IRF1: variants seen among roughly 807,000 people sequenced by gnomAD.
IRF1 encodes the protein interferon regulatory factor 1, also known as interferon regulatory factor-1.
IRF1 carries 13 observed loss-of-function variants against 43.7 expected under a neutral mutation model. The observed-to-expected ratio is 0.30, with a 90% CI of 0.19 to 0.47. The LOEUF is 0.47. IRF1 is among the 20% of genes least tolerant of loss of function. IRF1 has a pLI of 0.99. For synonymous variants in IRF1, 138 were observed against 146.8 expected (o/e 0.94, Z 0.43); for missense variants, 236 against 408.9 (o/e 0.58, Z 3.65).
Position 132,486,976 on chromosome 5 carries a change from A to T in IRF1, c.342T>A (p.Pro114=). Residue 114 remains proline, a synonymous_variant, in exon 4 of 10, where the codon CCT becomes CCA. Coordinates refer to ENST00000245414, the MANE Select transcript of IRF1 (RefSeq NM_002198.3). The part of the protein sequence containing the change: ...SAVRVYRMLP[P]LTKNQRKERK... Reference sequence around the variant, plus strand: ...TACCTTTTCTCTGGTTCTTGGTGAGAGGTGGAAGCATCCGGTACACTCGCA... The same window carrying T: ...TACCTTTTCTCTGGTTCTTGGTGAGTGGTGGAAGCATCCGGTACACTCGCA... 6.2e-7 allele frequency: 1 copy of T among 1,613,964 alleles called. No individual in the cohort carries two copies. The highest frequency in any genetic ancestry group is 8.5e-7 in the Non-Finnish European group (1 of 1,179,978).
In IRF1 at chr5:132,484,375, A is replaced by T; in HGVS notation, c.840T>A (p.Ile280=). Residue 280 remains isoleucine (I), a synonymous_variant, in exon 9 of 10, where the codon ATT becomes ATA. Coordinates refer to ENST00000245414, the MANE Select transcript of IRF1 (RefSeq NM_002198.3). ...GGGCCTTCTTACCCCCTGGGCTGTCAATTTCTGGCTCCTCCTTACAGCTAA... is the reference window on the plus strand; with the variant it reads ...GGGCCTTCTTACCCCCTGGGCTGTCTATTTCTGGCTCCTCCTTACAGCTAA... ...GDFSCKEEPE[I]DSPGGDIGLS... 1 of 1,614,060 alleles carries T rather than the reference A, an allele frequency of 6.2e-7. No individual in the cohort carries two copies. Among genetic ancestry groups the T allele is most frequent in the Non-Finnish European group, 8.5e-7 (1 of 1,179,982 alleles).
At chr5:132,489,199 A>C in intron 2 of IRF1, 193 bp downstream of exon 2, 1 of 544,742 alleles carries the variant, frequency 1.8e-6, no homozygotes, top group East Asian at 3.0e-5. Context: ...TACCTCAAGA[A>C]GGGAAGAAGG....
Position 132,485,521 on chromosome 5 carries a change from C to A in IRF1, c.717+146G>T, listed in dbSNP as rs573942151. The A allele has an allele frequency of 2.2e-5, 17 of 760,840 alleles. No individual in the cohort carries two copies. The African/African-American group carries it at 2.5e-4, about 11-fold the overall frequency. 47.1% of individuals were successfully genotyped at this position (760,840 alleles called of 1,614,324 possible). On this transcript the variant is annotated intron_variant, in intron 8 of 9. Coordinates refer to ENST00000245414, the MANE Select transcript of IRF1 (RefSeq NM_002198.3). ...CATGGTGGCTTTCCCACCAGTCAAG[C>A]CACGTGAATGTGGCACTTGTGGGAC... is the stretch of plus-strand genomic sequence containing the variant.
intron 3 of IRF1, 182 bp downstream of exon 3, chr5:132,487,744 A>G (rs1216295002): frequency 5.1e-6 from 3 of 586,112 alleles, no homozygotes; most frequent in Non-Finnish European, 9.2e-6. Flanking sequence ...CCCTTTGAGA[A>G]TTTGCTGAGA....
At position 132,487,138 on chromosome 5, in the gene IRF1, G is replaced by A. The variant is rs1189557309; in HGVS notation, c.188-8C>T. On this transcript the variant is annotated splice_region_variant and splice_polypyrimidine_tract_variant and intron_variant, in intron 3 of 9. Transcript: ENST00000245414. ...CCCCTGCTTTGTATCGGCCTAGAGG[G>A]CAGGAGAAAAAAGAGGATCGTCAGG... 6.2e-7 allele frequency: 1 copy of A among 1,611,834 alleles called. No individual in the cohort carries two copies. Among genetic ancestry groups the A allele is most frequent in the East Asian group, 2.2e-5 (1 of 44,836 alleles).
chr5:132,486,908 C>A, intron 4 of IRF1, 46 bp downstream of exon 4: 1 of 1,613,972 alleles, frequency 6.2e-7, no homozygotes, highest in Non-Finnish European at 8.5e-7. Context: ...CCTCCTTCTA[C>A]CCTCCCTCCC....
intron 7 of IRF1, 199 bp downstream of exon 7, chr5:132,486,052 C>T: frequency 4.3e-6 from 3 of 697,646 alleles, no homozygotes; most frequent in Non-Finnish European, 7.3e-6. Context: ...CTCACCAGCC[C>T]CCACTGTACT....
rs767988959 is a variant in IRF1, at chr5:132,481,774, T to C, written c.*2177A>G. The C allele has an allele frequency of 1.3e-5, 2 of 152,334 alleles. No homozygotes were observed. Among genetic ancestry groups the C allele is most frequent in the Non-Finnish European group, 2.9e-5 (2 of 68,050 alleles). 9.4% of individuals were successfully genotyped at this position (152,334 alleles called of 1,614,324 possible). ...ACTCTAGAAACTGGATGGCAAGTGCTACCCAGCACAGCAGCCGTGAGGACC... is the reference window on the plus strand; with the variant it reads ...ACTCTAGAAACTGGATGGCAAGTGCCACCCAGCACAGCAGCCGTGAGGACC... On this transcript the variant is annotated 3_prime_UTR_variant, in exon 10 of 10. Transcript: ENST00000245414.
At chr5:132,486,091 G>T (rs1754518140) in intron 7 of IRF1, 160 bp downstream of exon 7, 3 of 946,012 alleles carry the variant, frequency 3.2e-6, no homozygotes, top group African/African-American at 1.6e-5. Context: ...CCTTCCTAGT[G>T]TCCCCGTCGC....
At chr5:132,486,081 C>A (rs777142240) in intron 7 of IRF1, 170 bp downstream of exon 7, 1 of 880,096 alleles carries the variant, frequency 1.1e-6, no homozygotes, top group Non-Finnish European at 1.8e-6. Flanking sequence ...CTCTGAACTG[C>A]CTTCCTAGTG....
chr5:132,486,830 A>G lies in IRF1; in HGVS notation c.379T>C (p.Ser127Pro). Residue 127 changes from serine (S) to proline (P), a missense_variant, in exon 5 of 10, where the codon TCC becomes CCC. Physicochemically the swap from Ser to Pro is moderately conservative, Grantham distance 74. Coordinates refer to ENST00000245414, the MANE Select transcript of IRF1 (RefSeq NM_002198.3). Reference protein sequence around the residue: ...KNQRKERKSKSSRDAKSKAKR... With the variant: ...KNQRKERKSKPSRDAKSKAKR... ...GCCTTGCTCTTAGCATCTCGGCTGG[A>G]CTTCGACTTTCTTTCTGTGGGGCAG... 1 of 1,614,124 alleles carries G rather than the reference A, an allele frequency of 6.2e-7. No individual in the cohort carries two copies. Among genetic ancestry groups the G allele is most frequent in the Non-Finnish European group, 8.5e-7 (1 of 1,180,012 alleles).
chr5:132,486,396 G>A (rs1394607978), intron 6 of IRF1, 23 bp from the exon 7 acceptor site: 1 of 1,610,444 alleles, frequency 6.2e-7, no homozygotes, highest in Admixed American at 1.7e-5. Context: ...AGAAGCCACA[G>A]GTCAAGGTTG....
intron 8 of IRF1, chr5:132,485,118 G>C (rs564804561): frequency 1.3e-4 from 21 of 155,886 alleles, no homozygotes; most frequent in African/African-American, 5.1e-4. Context: ...CACCATGTTA[G>C]TCAGGCTGGT....
In IRF1 at chr5:132,487,465, G is replaced by A. The variant is rs1285293489; in HGVS notation, c.188-335C>T. The A allele has an allele frequency of 4.2e-5, 16 of 380,912 alleles. No homozygotes were observed. The Admixed American group carries it at 6.7e-4, about 16-fold the overall frequency. The allele number at this position is 380,912 out of a possible 1,614,324, so 23.6% of individuals were successfully genotyped here. A position where few individuals can be genotyped will look rare whatever the true frequency, so the allele number is the denominator to read the frequency against. ...TATCAGCAGCCAGAGGGTAGAGTGG[G>A]CACAGACTGGGCAGCAGAGAACAGT... On this transcript the variant is annotated intron_variant, in intron 3 of 9. Coordinates refer to ENST00000245414, the MANE Select transcript of IRF1 (RefSeq NM_002198.3).
intron 3 of IRF1, 64 bp downstream of exon 3, chr5:132,487,862 T>C (rs1754577979): frequency 9.0e-7 from 1 of 1,115,708 alleles, no homozygotes; most frequent in African/African-American, 1.5e-5. Context: ...AGCCTCTGTG[T>C]TAACGTGAGT....
chr5:132,489,908 C>G, intron 1 of IRF1: 1 of 190,608 alleles, frequency 5.2e-6, no homozygotes, highest in Non-Finnish European at 1.2e-5. Context: ...AAGGGCTAGC[C>G]GTCACCCTGA....
rs1438352989 is a variant in IRF1 at position 132,483,119 on chromosome 5, A to G, written c.*832T>C. 8.0e-6 allele frequency: 1 copy of G among 125,048 alleles called. No homozygotes were observed. The highest frequency in any genetic ancestry group is 1.9e-5 in the Non-Finnish European group (1 of 52,184). 7.7% of individuals were successfully genotyped at this position (125,048 alleles called of 1,614,324 possible). A position where few individuals can be genotyped will look rare whatever the true frequency, so the allele number is the denominator to read the frequency against. ...TTACTTTTTATAAAAAGACAAATGT[A>G]CATATTTACACACGTCCTTATGTGT... On this transcript the variant is annotated 3_prime_UTR_variant, in exon 10 of 10. Coordinates refer to ENST00000245414, the MANE Select transcript of IRF1 (RefSeq NM_002198.3).
At position 132,484,018 on chromosome 5, in the gene IRF1, G is replaced by A. The variant is rs1231551639; in HGVS notation, c.911C>T (p.Thr304Ile). Residue 304 changes from threonine (T) to isoleucine (I), a missense_variant, in exon 10 of 10, where the codon ACC (threonine) becomes ATC (isoleucine). Transcript: ENST00000245414. ...VFTDLKNMDA[T>I]WLDSLLTPVR... ...TGGGGTCAGCAGGCTGTCCAGCCAG[G>A]TGGCATCCATGTTCTTCAGATCTGT... is the stretch of plus-strand genomic sequence containing the variant. 6 of 1,613,934 alleles carry A rather than the reference G, an allele frequency of 3.7e-6. No homozygotes were observed. The highest frequency in any genetic ancestry group is 5.1e-6 in the Non-Finnish European group (6 of 1,180,024).
chr5:132,487,517 G>A, intron 3 of IRF1: 1 of 347,052 alleles, frequency 2.9e-6, no homozygotes. Context: ...TGACTGTTCT[G>A]AGATGGGCCT....
Sources: allele counts gnomAD v4.1 joint callset, GRCh38; gene constraint gnomAD v4.1.1; transcripts MANE v1.5; gene names NCBI Gene and HGNC (gene_info 2026-07-23, HGNC 2026-07-21).